Variants in ZNF385D observed in about 807,000 individuals in gnomAD.
ZNF385D encodes the protein zinc finger protein 385D, also known as zinc finger protein 659.
In ZNF385D, 15 loss-of-function variants were observed where a neutral mutation model predicts 35.8. The ratio of observed to expected loss-of-function variants is 0.42; its 90% CI spans 0.28 to 0.64. The LOEUF is 0.64. Among genes scored for constraint, ZNF385D ranks in the 30% least tolerant of loss-of-function variants. ZNF385D has a pLI of 0.23. For missense variants in ZNF385D, 474 were observed against 494.6 expected (o/e 0.96, Z 0.39); for synonymous variants, 212 against 186.8 (o/e 1.13, Z -1.10).
intron 3 of ZNF385D, among the ~76,000 whole-genome samples, chr3:22,022,915 T>C (rs1034788427): frequency 3.3e-5 from 5 of 152,098 alleles, no homozygotes; most frequent in African/African-American, 9.7e-5. Flanking sequence ...GGAAGGCAAA[T>C]ATGGTTGGCC....
chr3:21,432,582 T>C (rs1444328873), intron 5 of ZNF385D, among the ~76,000 whole-genome samples: 2 of 152,056 alleles, frequency 1.3e-5, no homozygotes, highest in East Asian at 1.9e-4. Context: ...TACTAGGATA[T>C]TTGGGGGAAT....
At chr3:21,871,821 C>T (rs1697706957) in intron 3 of ZNF385D, among the ~76,000 whole-genome samples, 1 of 152,102 alleles carries the variant, frequency 6.6e-6, no homozygotes, top group East Asian at 2.0e-4. Context: ...GCATGGCCAA[C>T]ATGATGAAAC....
intron 2 of ZNF385D, among the ~76,000 whole-genome samples, chr3:22,220,691 G>T (rs1440783364): frequency 6.6e-6 from 1 of 152,100 alleles, no homozygotes; most frequent in Admixed American, 6.6e-5. Context: ...CATTTTAACT[G>T]TGATTACATA....
chr3:21,443,121 CACCAAA>C (rs1701952509), intron 4 of ZNF385D: 1 of 985,146 alleles, frequency 1.0e-6, no homozygotes, highest in Non-Finnish European at 1.2e-6. Flanking sequence ...ATCCCAAAGC[CACCAAA>C]TGAGGCTGTG....
chr3:21,457,547 G>C (rs1314494288), intron 4 of ZNF385D, among the ~76,000 whole-genome samples: 1 of 151,984 alleles, frequency 6.6e-6, no homozygotes, highest in Non-Finnish European at 1.5e-5. Context: ...GTAGAGACAG[G>C]GTTTCACCAT....
chr3:22,087,780 T>C (rs1701122167), intron 3 of ZNF385D, among the ~76,000 whole-genome samples: 1 of 152,096 alleles, frequency 6.6e-6, no homozygotes. Context: ...GATTTATTAA[T>C]AATGGGAAAA....
chr3:21,979,264 AC>A (rs1559813192), intron 3 of ZNF385D, among the ~76,000 whole-genome samples: 1 of 152,200 alleles, frequency 6.6e-6, no homozygotes, highest in Non-Finnish European at 1.5e-5. Flanking sequence ...GGGGAAAAAA[AC>A]CCACAAAATT....
intron 2 of ZNF385D, among the ~76,000 whole-genome samples, chr3:22,290,119 C>T (rs190663758): frequency 2.0e-4 from 31 of 152,200 alleles, no homozygotes; most frequent in Non-Finnish European, 3.5e-4. Context: ...CATTATGCTT[C>T]CAAGGCAGGT....
At chr3:21,852,935 C>T (rs1186979295) in intron 3 of ZNF385D, among the ~76,000 whole-genome samples, 2 of 151,734 alleles carry the variant, frequency 1.3e-5, no homozygotes, top group African/African-American at 2.4e-5. Context: ...GTTAAACATC[C>T]AAGTCTAGAA....
At chr3:22,060,896 G>A (rs188705506) in intron 3 of ZNF385D, among the ~76,000 whole-genome samples, 95 of 151,968 alleles carry the variant, frequency 6.3e-4, no homozygotes, top group Admixed American at 1.6e-3. Context: ...TGGCTCTTAA[G>A]TAGAAAAATC....
intron 1 of ZNF385D, among the ~76,000 whole-genome samples, chr3:21,682,080 A>C (rs1461220992): frequency 1.3e-5 from 2 of 152,180 alleles, no homozygotes; most frequent in African/African-American, 4.8e-5. Flanking sequence ...AAAAAAGAGT[A>C]ATGTAAAGGA....
At chr3:21,882,529 C>G (rs1031073600) in intron 3 of ZNF385D, among the ~76,000 whole-genome samples, 3 of 151,922 alleles carry the variant, frequency 2.0e-5, no homozygotes, top group African/African-American at 7.2e-5. Context: ...GTGTGACTCT[C>G]TTTATTGTGA....
intron 2 of ZNF385D, among the ~76,000 whole-genome samples, chr3:22,246,926 T>C (rs991497221): frequency 4.0e-5 from 6 of 151,242 alleles, no homozygotes; most frequent in African/African-American, 1.5e-4. Context: ...TATATTATTG[T>C]ACCTTTTGTC....
At chr3:22,316,368 G>A (rs1352316352) in intron 2 of ZNF385D, among the ~76,000 whole-genome samples, 1 of 152,152 alleles carries the variant, frequency 6.6e-6, no homozygotes, top group Admixed American at 6.5e-5. Flanking sequence ...GTTTATCTGT[G>A]TGGCAGGCAA....
At chr3:22,119,979 AT>A (rs940657640) in intron 3 of ZNF385D, among the ~76,000 whole-genome samples, 12 of 137,580 alleles carry the variant, frequency 8.7e-5, no homozygotes, top group Admixed American at 4.8e-4. Context: ...AACATACTCA[AT>A]TTTTTTTCTT....
chr3:21,974,692 C>CAGAATATATAAGG lies in ZNF385D; in HGVS notation c.325+194112_325+194124dup, dbSNP rs139601977. On this transcript the variant is annotated intron_variant, in intron 3 of 5. Transcript: ENST00000494108. ...ATCTATCTGATAAGGGATTACTAAC[C>CAGAATATATAAGG]AGAATATATAAGGAGCTCAGACAAC... is the stretch of plus-strand genomic sequence containing the variant. 6.1e-4 allele frequency among the ~76,000 whole-genome samples: 92 copies of CAGAATATATAAGG among 151,946 alleles called. 1 individual carries two copies. Among genetic ancestry groups the CAGAATATATAAGG allele is most frequent in the East Asian group, 5.8e-3 (30 of 5,164 alleles).
intron 2 of ZNF385D, among the ~76,000 whole-genome samples, chr3:22,316,444 T>C (rs2125437667): frequency 6.6e-6 from 1 of 152,340 alleles, no homozygotes; most frequent in East Asian, 1.9e-4. Context: ...TAGGTTGCAC[T>C]AATCTGATTA....
intron 3 of ZNF385D, among the ~76,000 whole-genome samples, chr3:21,809,721 T>TAC (rs1490029076): frequency 2.0e-5 from 3 of 151,182 alleles, no homozygotes; most frequent in Non-Finnish European, 2.9e-5. Flanking sequence ...TACATATATA[T>TAC]ACACACACAT....
chr3:21,668,626 G>A (rs1346375439), intron 1 of ZNF385D, among the ~76,000 whole-genome samples: 2 of 152,164 alleles, frequency 1.3e-5, no homozygotes, highest in African/African-American at 4.8e-5. Context: ...CGAAATCGAA[G>A]CTACTTCTTA....
Sources: allele counts gnomAD v4.1 joint callset (sites outside exome capture counted in the v4.1 genomes callset), GRCh38; gene constraint gnomAD v4.1.1; transcripts MANE v1.5; gene names NCBI Gene and HGNC (gene_info 2026-07-23, HGNC 2026-07-21).